PAM: variants seen among roughly 807,000 people sequenced by gnomAD.
PAM encodes peptidyl-glycine alpha-amidating monooxygenase.
A neutral mutation model predicts 122.1 loss-of-function variants in PAM; 72 were observed. That is an observed-to-expected ratio of 0.59 (90% CI 0.49 to 0.72). The LOEUF (loss-of-function observed/expected upper bound fraction) is 0.72, where lower values mean the gene tolerates loss of function less well. Among genes scored for constraint, PAM ranks in the 30% least tolerant of loss-of-function variants. The pLI is 0.00. For synonymous variants in PAM, 389 were observed against 404.4 expected (o/e 0.96, Z 0.46); for missense variants, 1,106 against 1,183.7 (o/e 0.93, Z 0.96).
chr5:102,907,622 C>A (rs1321834109), intron 4 of PAM, among the ~76,000 whole-genome samples: 2 of 150,538 alleles, frequency 1.3e-5, no homozygotes, highest in Admixed American at 1.3e-4. Context: ...TCCACATCCT[C>A]TCCAGCACCT....
At chr5:102,920,267 G>C (rs1388982453) in intron 5 of PAM, among the ~76,000 whole-genome samples, 1 of 151,946 alleles carries the variant, frequency 6.6e-6, no homozygotes, top group Non-Finnish European at 1.5e-5. Context: ...AGAAGGGATA[G>C]CTATTATTTT....
intron 7 of PAM, among the ~76,000 whole-genome samples, chr5:102,930,184 T>G (rs1414259289): frequency 6.6e-6 from 1 of 152,216 alleles, no homozygotes; most frequent in Admixed American, 6.5e-5. Flanking sequence ...TCAACCATAG[T>G]GTCAAGCCTA....
chr5:102,840,276 C>T (rs1269392246), intron 1 of PAM, among the ~76,000 whole-genome samples: 3 of 151,976 alleles, frequency 2.0e-5, no homozygotes, highest in East Asian at 1.9e-4. Context: ...TCTTTGTTTC[C>T]ATTCAAAAGT....
chr5:102,869,448 T>A (rs1240634905), intron 3 of PAM, among the ~76,000 whole-genome samples: 1 of 152,166 alleles, frequency 6.6e-6, no homozygotes, highest in East Asian at 1.9e-4. Flanking sequence ...GCCTTTCTGG[T>A]TTGAATAAAG....
At chr5:102,889,579 A>G (rs1029269433) in intron 3 of PAM, among the ~76,000 whole-genome samples, 3 of 151,744 alleles carry the variant, frequency 2.0e-5, no homozygotes, top group African/African-American at 7.3e-5. Context: ...ATTTTTTTTA[A>G]TGGAACATTG....
At chr5:103,009,103 A>C (rs2151100635) in intron 20 of PAM, among the ~76,000 whole-genome samples, 1 of 152,260 alleles carries the variant, frequency 6.6e-6, no homozygotes, top group Admixed American at 6.5e-5. Flanking sequence ...ATTTAACGTA[A>C]ACATCACCAT....
At chr5:102,987,190 T>G (rs943942628) in intron 15 of PAM, among the ~76,000 whole-genome samples, 5 of 152,294 alleles carry the variant, frequency 3.3e-5, no homozygotes, top group Middle Eastern at 3.4e-3. Flanking sequence ...AGGTGGTGTA[T>G]GTACACAATG....
At chr5:102,829,500 T>G (rs1216209375) in intron 1 of PAM, among the ~76,000 whole-genome samples, 1 of 151,716 alleles carries the variant, frequency 6.6e-6, no homozygotes, top group Non-Finnish European at 1.5e-5. Flanking sequence ...GCCTCCCGAG[T>G]AGCTGGGACT....
At chr5:102,979,784 A>G (rs1769113176) in intron 15 of PAM, among the ~76,000 whole-genome samples, 2 of 152,092 alleles carry the variant, frequency 1.3e-5, no homozygotes, top group Admixed American at 6.6e-5. Context: ...TGCAATTTTA[A>G]TAGCAGTATT....
At chr5:102,768,750 C>A (rs1220845238) in intron 1 of PAM, among the ~76,000 whole-genome samples, 1 of 152,150 alleles carries the variant, frequency 6.6e-6, no homozygotes, top group Non-Finnish European at 1.5e-5. Context: ...TTGATGGATA[C>A]TTAGGTTGTT....
intron 5 of PAM, among the ~76,000 whole-genome samples, chr5:102,924,446 A>C (rs1006928826): frequency 5.3e-5 from 8 of 151,890 alleles, no homozygotes; most frequent in South Asian, 2.1e-4. Context: ...AAAAAAAAAA[A>C]AAAAACAAAA....
intron 16 of PAM, among the ~76,000 whole-genome samples, chr5:102,992,395 C>A (rs558144081): frequency 1.3e-5 from 2 of 151,914 alleles, no homozygotes; most frequent in African/African-American, 2.4e-5. Flanking sequence ...GCCTGTTGCC[C>A]TTAGCAGACT....
intron 1 of PAM, among the ~76,000 whole-genome samples, chr5:102,755,715 G>A (rs951123151): frequency 1.3e-5 from 2 of 151,746 alleles, no homozygotes; most frequent in African/African-American, 4.8e-5. Context: ...TTGTTCATTC[G>A]CCTTTTCTGC....
intron 1 of PAM, among the ~76,000 whole-genome samples, chr5:102,862,114 G>A (rs1784344104): frequency 6.7e-6 from 1 of 148,918 alleles, no homozygotes; most frequent in Non-Finnish European, 1.5e-5. Flanking sequence ...AGGTTGGAGT[G>A]AGCCAAAATT....
intron 4 of PAM, among the ~76,000 whole-genome samples, chr5:102,906,973 TATATATC>T (rs1025126778): frequency 4.6e-5 from 7 of 151,802 alleles, no homozygotes; most frequent in African/African-American, 1.4e-4. Flanking sequence ...GATTCTTTGA[TATATATC>T]ATAATTTTAA....
chr5:102,914,844 C>A (rs1189254462), intron 5 of PAM, among the ~76,000 whole-genome samples: 1 of 151,976 alleles, frequency 6.6e-6, no homozygotes, highest in Non-Finnish European at 1.5e-5. Flanking sequence ...ATTATTAATT[C>A]AATTAGATAT....
At chr5:102,960,356 A>T (rs1439606231) in intron 13 of PAM, among the ~76,000 whole-genome samples, 1 of 152,002 alleles carries the variant, frequency 6.6e-6, no homozygotes, top group Non-Finnish European at 1.5e-5. Context: ...TCATTTCCTC[A>T]TCTAACTCCT....
intron 1 of PAM, among the ~76,000 whole-genome samples, chr5:102,772,954 C>T (rs533020612): frequency 2.0e-5 from 3 of 151,898 alleles, no homozygotes; most frequent in Non-Finnish European, 4.4e-5. Flanking sequence ...TGTCATATAC[C>T]TTGGTGGTAA....
intron 1 of PAM, among the ~76,000 whole-genome samples, chr5:102,780,817 T>C (rs1300810311): frequency 3.7e-5 from 5 of 133,836 alleles, no homozygotes; most frequent in Non-Finnish European, 6.6e-5. Context: ...CTTTCTTTCT[T>C]TCTTTCTTTC....
Sources: allele counts gnomAD v4.1 joint callset (sites outside exome capture counted in the v4.1 genomes callset), GRCh38; gene constraint gnomAD v4.1.1; transcripts MANE v1.5; gene names NCBI Gene and HGNC (gene_info 2026-07-23, HGNC 2026-07-21).